MACROD2: variants seen among roughly 807,000 people sequenced by gnomAD.
MACROD2 encodes ADP-ribose glycohydrolase MACROD2.
Under a neutral mutation model 70.4 loss-of-function variants are expected in MACROD2, and 36 were observed. That is an observed-to-expected ratio of 0.51 (90% CI 0.39 to 0.68). The LOEUF (loss-of-function observed/expected upper bound fraction) is 0.68. Ranked by LOEUF, MACROD2 falls within the 30% of genes least tolerant of loss-of-function variation. MACROD2 has a pLI of 0.00. For missense variants in MACROD2, 496 were observed against 538.4 expected, an observed-to-expected ratio of 0.92 and a Z score of 0.78; for synonymous variants, 172 against 178.8, an observed-to-expected ratio of 0.96 and a Z score of 0.30.
At chr20:14,879,074 T>C (rs989077302) in intron 5 of MACROD2, among the ~76,000 whole-genome samples, 2 of 152,182 alleles carry the variant, frequency 1.3e-5, no homozygotes, top group Non-Finnish European at 2.9e-5. Flanking sequence ...CTCATCTCTG[T>C]TGTACTGACA....
intron 8 of MACROD2, among the ~76,000 whole-genome samples, chr20:15,783,173 G>C (rs1459542253): frequency 1.3e-5 from 2 of 151,876 alleles, no homozygotes; most frequent in African/African-American, 4.8e-5. Context: ...GTCTATCCAT[G>C]TTTTCTATTT....
intron 5 of MACROD2, among the ~76,000 whole-genome samples, chr20:15,043,354 A>G (rs1378504118): frequency 6.6e-6 from 1 of 152,210 alleles, no homozygotes; most frequent in Admixed American, 6.5e-5. Context: ...GTGCCTTTGC[A>G]TAGGGCATTG....
intron 3 of MACROD2, among the ~76,000 whole-genome samples, chr20:14,299,621 C>T (rs1204155032): frequency 1.3e-5 from 2 of 151,952 alleles, no homozygotes; most frequent in East Asian, 1.9e-4. Context: ...GGTCTAGAAC[C>T]GAACCTGCAA....
chr20:15,593,405 A>G (rs1159533459), intron 8 of MACROD2, among the ~76,000 whole-genome samples: 1 of 152,202 alleles, frequency 6.6e-6, no homozygotes, highest in African/African-American at 2.4e-5. Flanking sequence ...TTCGATTTGT[A>G]TCTCAAATTC....
intron 4 of MACROD2, among the ~76,000 whole-genome samples, chr20:14,544,572 A>T (rs1600367078): frequency 6.6e-6 from 1 of 152,280 alleles, no homozygotes; most frequent in East Asian, 1.9e-4. Context: ...TGCAATGATG[A>T]TGATGGTGAT....
intron 5 of MACROD2, among the ~76,000 whole-genome samples, chr20:15,108,697 A>C (rs1339421365): frequency 1.3e-5 from 2 of 152,192 alleles, no homozygotes; most frequent in Non-Finnish European, 2.9e-5. Flanking sequence ...ATTTTGAACC[A>C]GAGAATTTTT....
chr20:14,650,242 C>A (rs138008784), intron 4 of MACROD2, among the ~76,000 whole-genome samples: 48 of 152,258 alleles, frequency 3.2e-4, no homozygotes, highest in African/African-American at 1.1e-3. Flanking sequence ...CTGGGACTTA[C>A]TAAGGAGTCT....
At chr20:15,090,140 A>G (rs1435742131) in intron 5 of MACROD2, among the ~76,000 whole-genome samples, 1 of 152,040 alleles carries the variant, frequency 6.6e-6, no homozygotes, top group East Asian at 1.9e-4. Flanking sequence ...TCAAAGATAT[A>G]TGTTGACCTG....
chr20:15,678,551 A>G (rs34189732), intron 8 of MACROD2, among the ~76,000 whole-genome samples: 54,483 of 151,908 alleles, frequency 0.36, 10,113 homozygotes, highest in South Asian at 0.39. Context: ...AGTAGAGACG[A>G]GGTTTCGTTA....
chr20:15,252,171 T>A (rs2077161475), intron 6 of MACROD2, among the ~76,000 whole-genome samples: 1 of 152,218 alleles, frequency 6.6e-6, no homozygotes, highest in Non-Finnish European at 1.5e-5. Flanking sequence ...AGGCTTCTGT[T>A]TTATGTGTAT....
intron 8 of MACROD2, among the ~76,000 whole-genome samples, chr20:15,734,347 A>G (rs2050989301): frequency 6.6e-6 from 1 of 152,154 alleles, no homozygotes; most frequent in African/African-American, 2.4e-5. Context: ...ACAATTTTCC[A>G]GTGTCAACAA....
intron 4 of MACROD2, among the ~76,000 whole-genome samples, chr20:14,572,601 G>T (rs1980270582): frequency 6.6e-6 from 1 of 152,054 alleles, no homozygotes; most frequent in Non-Finnish European, 1.5e-5. Flanking sequence ...ATAATATTGA[G>T]AAAATGAAGT....
intron 5 of MACROD2, among the ~76,000 whole-genome samples, chr20:15,123,822 C>T (rs1310586031): frequency 2.0e-5 from 3 of 152,184 alleles, no homozygotes; most frequent in South Asian, 2.1e-4. Context: ...TTTATTTCTG[C>T]CCATTTATGC....
intron 5 of MACROD2, among the ~76,000 whole-genome samples, chr20:14,780,675 A>G (rs1568791695): frequency 6.6e-6 from 1 of 152,118 alleles, no homozygotes; most frequent in African/African-American, 2.4e-5. Flanking sequence ...AGAAGAGGAA[A>G]TTATAAATAC....
chr20:15,421,525 A>T (rs1339950925), intron 6 of MACROD2, among the ~76,000 whole-genome samples: 1 of 152,242 alleles, frequency 6.6e-6, no homozygotes, highest in Non-Finnish European at 1.5e-5. Flanking sequence ...TATTAGAAAC[A>T]TATGAGGTAG....
Position 15,267,801 on chromosome 20 carries a change from G to A in MACROD2, c.540+37740G>A, listed in dbSNP as rs755388138. On this transcript the variant is annotated intron_variant, in intron 6 of 17. Transcript: ENST00000684519. Reference sequence around the variant, plus strand: ...GCCTTGGGAAGTTCCTGCCAGTTGCGGAGGTGGGGAGGAGCCTGGCCTCTC... The same window carrying A: ...GCCTTGGGAAGTTCCTGCCAGTTGCAGAGGTGGGGAGGAGCCTGGCCTCTC... 2.6e-5 allele frequency among the ~76,000 whole-genome samples: 4 copies of A among 152,180 alleles called. 1 individual carries two copies. The highest frequency in any genetic ancestry group is 4.4e-5 in the Non-Finnish European group (3 of 68,034).
chr20:14,538,425 T>A (rs2085392159), intron 4 of MACROD2, among the ~76,000 whole-genome samples: 1 of 152,214 alleles, frequency 6.6e-6, no homozygotes, highest in African/African-American at 2.4e-5. Context: ...CCATTCTCCA[T>A]GCATCATCTG....
intron 4 of MACROD2, among the ~76,000 whole-genome samples, chr20:14,569,205 G>C (rs1403934113): frequency 1.3e-5 from 2 of 151,908 alleles, no homozygotes; most frequent in Non-Finnish European, 2.9e-5. Context: ...TACATTTCTA[G>C]CTAAATCTAT....
chr20:14,486,516 TTTATTTTA>T (rs1230664816), intron 3 of MACROD2, among the ~76,000 whole-genome samples: 1 of 138,476 alleles, frequency 7.2e-6, no homozygotes, highest in African/African-American at 2.7e-5. Flanking sequence ...TAGCCAACTT[TTTATTTTA>T]TTTTTTTTTT....
Sources: allele counts gnomAD v4.1 joint callset (sites outside exome capture counted in the v4.1 genomes callset), GRCh38; gene constraint gnomAD v4.1.1; transcripts MANE v1.5; gene names NCBI Gene and HGNC (gene_info 2026-07-23, HGNC 2026-07-21).